The following ULK3 variants were observed in gnomAD, a reference collection of about 807,000 sequenced individuals.
ULK3 encodes the protein unc-51 like kinase 3, also known as serine/threonine-protein kinase ULK3.
In ULK3, 54 loss-of-function variants were observed where a neutral mutation model predicts 69.4. That is an observed-to-expected ratio of 0.78 (90% CI 0.63 to 0.98). The LOEUF is 0.98. Ranked by LOEUF, ULK3 falls within the 50% of genes least tolerant of loss-of-function variation. The probability of loss-of-function intolerance (pLI) is 0.00; values close to 1 mark genes in which losing one functional copy is unlikely to be tolerated. For synonymous variants in ULK3, 240 were observed against 254.5 expected, an observed-to-expected ratio of 0.94 and a Z score of 0.54; for missense variants, 558 against 627.7, an observed-to-expected ratio of 0.89 and a Z score of 1.19.
In ULK3 at chr15:74,842,649, G is replaced by C. The variant is rs551040399; in HGVS notation, c.103-229C>G. The C allele has an allele frequency of 2.6e-6, 4 of 1,536,228 alleles. No individual in the cohort carries two copies. The highest frequency in any genetic ancestry group is 1.2e-5 in the South Asian group (1 of 84,206). ...CTCAGCCTGGTCTTCTCCAACCCTC[G>C]GCTAGCTGATCCATTTCTTTGCATT... On this transcript the variant is annotated intron_variant, in intron 1 of 15. Coordinates refer to ENST00000440863, the MANE Select transcript of ULK3 (RefSeq NM_001099436.4). This position sits in a 1 kb window ranked among gnomAD's most constrained non-coding sequence, Gnocchi z 4.9.
intron 3 of ULK3, 25 bp from the exon 4 acceptor site, chr15:74,841,534 A>C: frequency 6.2e-7 from 1 of 1,604,796 alleles, no homozygotes; most frequent in Non-Finnish European, 8.5e-7. Context: ...CCACGAAGAG[A>C]GACAGTTCAG....
At chr15:74,839,852 A>G in intron 6 of ULK3, 139 bp from the exon 7 acceptor site, 1 of 1,230,920 alleles carries the variant, frequency 8.1e-7, no homozygotes, top group African/African-American at 1.5e-5. Context: ...AGGATGGGTC[A>G]GGATGATGGA....
Position 74,840,544 on chromosome 15 carries a change from C to G in ULK3, c.567G>C (p.Gln189His), listed in dbSNP as rs1370912755. The G allele has an allele frequency of 1.2e-6, 2 of 1,610,628 alleles. No individual in the cohort carries two copies. The highest frequency in any genetic ancestry group is 3.4e-5 in the Admixed American group (2 of 59,508). The change falls in exon 5 of 16, where the codon CAG becomes CAC. Residue 189 changes from glutamine to histidine, a missense_variant. Coordinates refer to ENST00000440863, the MANE Select transcript of ULK3 (RefSeq NM_001099436.4). ...ACCAGAGGTCCACGCGGGCGTCATA[C>G]TGCCGCTGGCACACCATCTCGGGGG... ...YMAPEMVCQR[Q>H]YDARVDLWSM...
At position 74,839,855 on chromosome 15, in the gene ULK3, A is replaced by C; in HGVS notation, c.697-142T>G. On this transcript the variant is annotated intron_variant, in intron 6 of 15. Coordinates refer to ENST00000440863, the MANE Select transcript of ULK3 (RefSeq NM_001099436.4). ...CCGAGGAGGAACAGGATGGGTCAGG[A>C]TGATGGAGCCAGCGGGGAGCGAGGC... The C allele has an allele frequency of 3.3e-6, 4 of 1,228,110 alleles. No homozygotes were observed. The South Asian group carries it at 4.8e-5, about 15-fold the overall frequency. The allele number at this position is 1,228,110 out of a possible 1,614,324, so 76.1% of individuals were successfully genotyped here.
intron 3 of ULK3, 132 bp downstream of exon 3, chr15:74,841,943 G>A: frequency 2.1e-6 from 3 of 1,448,774 alleles, no homozygotes; most frequent in Non-Finnish European, 1.9e-6. Flanking sequence ...GAGATAAACA[G>A]GACCATAAAA....
chr15:74,840,477 A>G, intron 5 of ULK3, 21 bp downstream of exon 5: 1 of 1,596,640 alleles, frequency 6.3e-7, no homozygotes, highest in East Asian at 2.3e-5. Flanking sequence ...CAGGGTGAGA[A>G]GCAGGGAAAA....
intron 6 of ULK3, 137 bp downstream of exon 6, chr15:74,840,097 G>T: frequency 8.9e-7 from 1 of 1,120,504 alleles, no homozygotes; most frequent in Non-Finnish European, 1.3e-6. Flanking sequence ...TCGACTTCCA[G>T]CCTAGAACCT....
intron 6 of ULK3, 120 bp downstream of exon 6, chr15:74,840,114 C>T: frequency 7.8e-7 from 1 of 1,274,348 alleles, no homozygotes; most frequent in Non-Finnish European, 1.1e-6. Context: ...ACCTGCCCCT[C>T]CACCACAAAG....
intron 10 of ULK3, 45 bp from the exon 11 acceptor site, chr15:74,838,549 G>C (rs779251606): frequency 2.6e-6 from 4 of 1,566,030 alleles, no homozygotes; most frequent in Non-Finnish European, 3.5e-6. Flanking sequence ...CAACCTGCCT[G>C]TTCGCTGCAG....
Position 74,838,450 on chromosome 15 carries a change from G to A in ULK3, c.1157C>T (p.Ala386Val). The change falls in exon 11 of 16, where the codon GCC becomes GTC. Residue 386 changes from alanine to valine, a missense_variant. Ala to Val is a moderately conservative substitution (Grantham distance 64, BLOSUM62 0). Transcript: ENST00000440863. ...LLAALEVASAAMAKEEAAGGE... is the reference protein window; with the variant it reads ...LLAALEVASAVMAKEEAAGGE... ...CCCACTGGCACAAACCTTGGCCATG[G>A]CAGCTGAAGCCACTTCCAGGGCAGC... 1.3e-6 allele frequency: 2 copies of A among 1,576,662 alleles called. No individual in the cohort carries two copies. The highest frequency in any genetic ancestry group is 8.6e-7 in the Non-Finnish European group (1 of 1,161,220).
chr15:74,839,499 G>A (rs571132437), intron 7 of ULK3, 59 bp downstream of exon 7: 17 of 1,540,558 alleles, frequency 1.1e-5, no homozygotes, highest in African/African-American at 8.2e-5. Context: ...CACCACCAAC[G>A]GGGGCAAGGA....
At position 74,843,021 on chromosome 15, in the gene ULK3, A is replaced by T; in HGVS notation, c.85T>A (p.Tyr29Asn). The change falls in exon 1 of 16, where the codon TAC (tyrosine) becomes AAC (asparagine). Residue 29 changes from tyrosine to asparagine, a missense_variant. Coordinates refer to ENST00000440863, the MANE Select transcript of ULK3 (RefSeq NM_001099436.4). ...GCACCCACCTTGGCGTAGGCCTTGT[A>T]CACCGTGGCGTACGTGCCGCTGCCC... is the stretch of plus-strand genomic sequence containing the variant. ...RLGSGTYATV[Y>N]KAYAKKDTRE... 1 of 1,539,956 alleles carries T rather than the reference A, an allele frequency of 6.5e-7. No homozygotes were observed. Among genetic ancestry groups the T allele is most frequent in the East Asian group, 2.5e-5 (1 of 39,696 alleles).
At chr15:74,839,515 C>CCAGCCCACCCT (rs1555470529) in intron 7 of ULK3, 43 bp downstream of exon 7, 5 of 1,543,120 alleles carry the variant, frequency 3.2e-6, no homozygotes, top group Non-Finnish European at 4.4e-6. Flanking sequence ...AAGGAGACCT[C>CCAGCCCACCCT]CAGCCCACCC....
At chr15:74,840,363 C>A in intron 5 of ULK3, 47 bp from the exon 6 acceptor site, 2 of 1,583,890 alleles carry the variant, frequency 1.3e-6, no homozygotes, top group Non-Finnish European at 1.7e-6. Flanking sequence ...TGGGTCAAGC[C>A]TGGCCTGACG....
chr15:74,842,727 C>T lies in ULK3; in HGVS notation c.102+277G>A. ...ACTCAGGGTTCTAGAACCGCCCACT[C>T]TGCCTCCCAACTGGCTCCAGTCCCA... On this transcript the variant is annotated intron_variant, in intron 1 of 15. Coordinates refer to ENST00000440863, the MANE Select transcript of ULK3 (RefSeq NM_001099436.4). This position sits in a 1 kb window ranked among gnomAD's most constrained non-coding sequence, Gnocchi z 4.9. The T allele has an allele frequency of 1.3e-6, 2 of 1,521,302 alleles. No homozygotes were observed. Among genetic ancestry groups the T allele is most frequent in the South Asian group, 2.4e-5 (2 of 83,170 alleles). 94.2% of individuals were successfully genotyped at this position (1,521,302 alleles called of 1,614,324 possible).
Position 74,839,303 on chromosome 15 carries a change from C to A in ULK3, c.923G>T (p.Cys308Phe). 6.4e-7 allele frequency: 1 copy of A among 1,565,052 alleles called. No homozygotes were observed. The highest frequency in any genetic ancestry group is 8.7e-7 in the Non-Finnish European group (1 of 1,154,264). ...GDSAAALSLY[C>F]KALDFFVPAL... ...AGGTACAAAGAAGTCCAGAGCCTTG[C>A]AGTAGAGTGATAAGGCAGCTGCTGA... Residue 308 changes from cysteine to phenylalanine, a missense_variant, in exon 8 of 16, where the codon TGC becomes TTC. Cys to Phe is a radical substitution (Grantham distance 205). Transcript: ENST00000440863.
Position 74,836,931 on chromosome 15 carries a change from CA to C in ULK3, c.*296del. 2.9e-6 allele frequency: 1 copy of C among 347,148 alleles called. No homozygotes were observed. The highest frequency in any genetic ancestry group is 5.2e-6 in the Non-Finnish European group (1 of 191,426). 21.5% of individuals were successfully genotyped at this position (347,148 alleles called of 1,614,324 possible). On this transcript the variant is annotated 3_prime_UTR_variant, in exon 16 of 16. Transcript: ENST00000440863. This position sits in a 1 kb window ranked among gnomAD's most constrained non-coding sequence, Gnocchi z 4.0. ...AAAAATGATAGAGGGCTGCATGCCC[CA>C]AAACGGACAGGCACAGGACCCAGTA...
intron 4 of ULK3, 128 bp from the exon 5 acceptor site, chr15:74,840,769 G>A: frequency 1.6e-6 from 2 of 1,275,488 alleles, no homozygotes; most frequent in Non-Finnish European, 2.1e-6. Context: ...CCAAGCCTCT[G>A]CTCATCATTA....
Position 74,839,764 on chromosome 15 carries a change from T to C in ULK3, c.697-51A>G, listed in dbSNP as rs1387947620. On this transcript the variant is annotated intron_variant, in intron 6 of 15. Coordinates refer to ENST00000440863, the MANE Select transcript of ULK3 (RefSeq NM_001099436.4). ...AGATCACACTGGGCTCCTCCACCCCTACCCCTAGCCCAGGGGTCTGCGAGG... is the reference window on the plus strand; with the variant it reads ...AGATCACACTGGGCTCCTCCACCCCCACCCCTAGCCCAGGGGTCTGCGAGG... 12 of 1,473,388 alleles carry C rather than the reference T, an allele frequency of 8.1e-6. No individual in the cohort carries two copies. In the Admixed American group the frequency reaches 2.1e-4, roughly 26 times the overall value. The allele number at this position is 1,473,388 out of a possible 1,614,324, so 91.3% of individuals were successfully genotyped here.
Sources: gnomAD v4.1 joint callset for allele counts on GRCh38, gnomAD v4.1.1 for gene constraint, Gnocchi (gnomAD v3.1) non-coding constraint, MANE v1.5 for transcripts, NCBI Gene and HGNC (gene_info 2026-07-23, HGNC 2026-07-21) for gene names.